MTMR7: variants seen among roughly 807,000 people sequenced by gnomAD.
MTMR7 encodes phosphatidylinositol-3-phosphate phosphatase MTMR7.
A neutral mutation model predicts 81.2 loss-of-function variants in MTMR7; 76 were observed. The observed-to-expected ratio is 0.94, with a 90% CI of 0.78 to 1.13. The LOEUF is 1.13. MTMR7 is among the 50% of genes most tolerant of loss of function. MTMR7 has a pLI of 0.00. For synonymous variants in MTMR7, 372 were observed against 289.8 expected, an observed-to-expected ratio of 1.28 and a Z score of -2.88; for missense variants, 1,044 against 820.0, an observed-to-expected ratio of 1.27 and a Z score of -3.34.
chr8:17,399,626 TC>T (rs1034756803), intron 1 of MTMR7, among the ~76,000 whole-genome samples: 3 of 151,832 alleles, frequency 2.0e-5, no homozygotes, highest in Non-Finnish European at 4.4e-5. Flanking sequence ...ATAGAAAAAA[TC>T]CTGAAAGTTA....
intron 5 of MTMR7, among the ~76,000 whole-genome samples, chr8:17,347,719 C>T (rs1819601053): frequency 6.6e-6 from 1 of 152,118 alleles, no homozygotes; most frequent in African/African-American, 2.4e-5. Flanking sequence ...TCTTGCTCAT[C>T]CGAATTTGTT....
intron 1 of MTMR7, among the ~76,000 whole-genome samples, chr8:17,374,209 G>T (rs1194850655): frequency 6.6e-6 from 1 of 152,212 alleles, no homozygotes; most frequent in Non-Finnish European, 1.5e-5. Context: ...GCTGTGGGCC[G>T]GTGCAGTGCC....
At chr8:17,353,545 A>G (rs1819794083) in intron 4 of MTMR7, among the ~76,000 whole-genome samples, 1 of 152,236 alleles carries the variant, frequency 6.6e-6, no homozygotes, top group Admixed American at 6.5e-5. Flanking sequence ...CTGACAATAC[A>G]TAATGCGCAC....
intron 1 of MTMR7, among the ~76,000 whole-genome samples, chr8:17,383,658 A>C (rs1396185653): frequency 6.6e-6 from 1 of 152,240 alleles, no homozygotes; most frequent in Non-Finnish European, 1.5e-5. Context: ...ATGTTTAACA[A>C]GTTAAATGCT....
intron 10 of MTMR7, among the ~76,000 whole-genome samples, 157 bp from the exon 11 acceptor site, chr8:17,306,114 A>C (rs1171902734): frequency 6.6e-6 from 1 of 152,244 alleles, no homozygotes; most frequent in Non-Finnish European, 1.5e-5. Context: ...TAAGATTTTA[A>C]ATTCAAATTT....
chr8:17,334,915 A>AT (rs1819181464), intron 6 of MTMR7, among the ~76,000 whole-genome samples: 2 of 152,148 alleles, frequency 1.3e-5, no homozygotes, highest in South Asian at 4.1e-4. Context: ...GAGAGAGGGG[A>AT]GGGCATTCTA....
At chr8:17,403,242 T>G (rs1240022725) in intron 1 of MTMR7, among the ~76,000 whole-genome samples, 1 of 152,222 alleles carries the variant, frequency 6.6e-6, no homozygotes, top group Non-Finnish European at 1.5e-5. Context: ...GTGAAGAAGC[T>G]TTTTAACTTG....
In MTMR7 at chr8:17,331,138, G is replaced by A; in HGVS notation, c.865+12C>T. On this transcript the variant is annotated intron_variant, in intron 7 of 13. Coordinates refer to ENST00000180173, the MANE Select transcript of MTMR7 (RefSeq NM_004686.5). Reference sequence around the variant, plus strand: ...ACTGCATTTTAATGCTGTGCATAAGGAAATGGTTTACCTTCCAGCATTTTC... The same window carrying A: ...ACTGCATTTTAATGCTGTGCATAAGAAAATGGTTTACCTTCCAGCATTTTC... The A allele has an allele frequency of 1.2e-6, 2 of 1,608,546 alleles. No individual in the cohort carries two copies. Among genetic ancestry groups the A allele is most frequent in the Non-Finnish European group, 8.5e-7 (1 of 1,178,416 alleles).
chr8:17,410,621 G>C (rs941265153), intron 1 of MTMR7, among the ~76,000 whole-genome samples: 2 of 152,138 alleles, frequency 1.3e-5, no homozygotes, highest in Admixed American at 1.3e-4. Flanking sequence ...TTCTGGAAGG[G>C]AAGCACTCTG....
chr8:17,347,327 T>C (rs959340684), intron 5 of MTMR7, among the ~76,000 whole-genome samples: 3 of 152,054 alleles, frequency 2.0e-5, no homozygotes, highest in African/African-American at 7.2e-5. Context: ...AGAAGAGCAA[T>C]GAGTATAACT....
chr8:17,365,078 G>T (rs777250914), intron 3 of MTMR7, among the ~76,000 whole-genome samples: 11 of 152,122 alleles, frequency 7.2e-5, no homozygotes, highest in Non-Finnish European at 1.0e-4. Context: ...CCAAAGCTTT[G>T]TTGTCTTCCA....
chr8:17,374,973 C>T (rs1318955766), intron 1 of MTMR7, among the ~76,000 whole-genome samples: 2 of 152,144 alleles, frequency 1.3e-5, no homozygotes, highest in Admixed American at 1.3e-4. Context: ...CCTATAATCC[C>T]ATCCACTCGG....
chr8:17,304,468 G>T lies in MTMR7; in HGVS notation c.1404C>A (p.Ala468=), dbSNP rs187644767. Residue 468 remains alanine, a synonymous_variant, in exon 12 of 14, where the codon GCC becomes GCA. Coordinates refer to ENST00000180173, the MANE Select transcript of MTMR7 (RefSeq NM_004686.5). ...SLWAHLWKNR[A]DYLNPLFRAD... ...CTCTAAACAGAGGATTCAGGTAGTC[G>T]GCCCGATTCTTCCACAGGTGAGCCC... is the stretch of plus-strand genomic sequence containing the variant. 1.9e-6 allele frequency: 3 copies of T among 1,613,922 alleles called. 1 individual carries two copies. The highest frequency in any genetic ancestry group is 2.5e-6 in the Non-Finnish European group (3 of 1,179,898).
intron 10 of MTMR7, 26 bp downstream of exon 10, chr8:17,309,251 T>G (rs774410702): frequency 7.7e-6 from 11 of 1,425,214 alleles, no homozygotes; most frequent in Admixed American, 3.8e-5. Flanking sequence ...TTCTAAACAT[T>G]CAAAACAGTC....
Position 17,413,328 on chromosome 8 carries a change from G to GCGCC in MTMR7, c.-37_-36insGGCG. The GCGCC allele has an allele frequency of 6.6e-7, 1 of 1,516,616 alleles. No homozygotes were observed. The highest frequency in any genetic ancestry group is 8.8e-7 in the Non-Finnish European group (1 of 1,131,704). The allele number at this position is 1,516,616 out of a possible 1,614,324, so 93.9% of individuals were successfully genotyped here. A position where few individuals can be genotyped will look rare whatever the true frequency, so the allele number is the denominator to read the frequency against. ...CGTCTGCAGGGTCCCGGGCGGGCGC[G>GCGCC]GCCTCACGCACCTGCGCGCCTCTGC... On this transcript the variant is annotated 5_prime_UTR_variant, in exon 1 of 14. Transcript: ENST00000180173.
At chr8:17,334,091 A>G (rs546096584) in intron 6 of MTMR7, among the ~76,000 whole-genome samples, 1 of 152,244 alleles carries the variant, frequency 6.6e-6, no homozygotes, top group African/African-American at 2.4e-5. Flanking sequence ...AAAGCAAAGC[A>G]GCAACACAAA....
intron 11 of MTMR7, among the ~76,000 whole-genome samples, chr8:17,305,036 A>G (rs1817363681): frequency 6.6e-6 from 1 of 152,124 alleles, no homozygotes; most frequent in African/African-American, 2.4e-5. Flanking sequence ...AAAACAGGTG[A>G]CCCTAAAGGA....
At position 17,341,356 on chromosome 8, in the gene MTMR7, CACTT is replaced by C. The variant is rs1563346631; in HGVS notation, c.732+3_732+6del. ...GCAAAGACATGCATCGCAACGGTGA[CACTT>C]ACTTTAGGCCGGGTGTCAACGACAT... On this transcript the variant is annotated splice_donor_5th_base_variant and intron_variant, in intron 6 of 13. Transcript: ENST00000180173. 6.2e-7 allele frequency: 1 copy of C among 1,613,956 alleles called. No homozygotes were observed. Among genetic ancestry groups the C allele is most frequent in the Non-Finnish European group, 8.5e-7 (1 of 1,179,862 alleles).
chr8:17,316,143 G>A (rs1444711888), intron 7 of MTMR7, among the ~76,000 whole-genome samples: 1 of 152,084 alleles, frequency 6.6e-6, no homozygotes, highest in Non-Finnish European at 1.5e-5. Flanking sequence ...GTGGGCTTGG[G>A]CAGATTACTT....
Sources: allele counts gnomAD v4.1 joint callset (sites outside exome capture counted in the v4.1 genomes callset), GRCh38; gene constraint gnomAD v4.1.1; transcripts MANE v1.5; gene names NCBI Gene and HGNC (gene_info 2026-07-23, HGNC 2026-07-21).